Variants in GTF2H5 observed in about 807,000 individuals in gnomAD.
GTF2H5 encodes TFB5 ortholog.
In GTF2H5, 5 loss-of-function variants were observed where a neutral mutation model predicts 7.1. The observed-to-expected ratio is 0.71, with a 90% CI of 0.37 to 1.49. The LOEUF (loss-of-function observed/expected upper bound fraction) is 1.49, where lower values mean the gene tolerates loss of function less well. Among genes scored for constraint, GTF2H5 ranks in the 40% most tolerant of loss-of-function variants. GTF2H5 has a pLI of 0.03. For synonymous variants in GTF2H5, 30 were observed against 31.7 expected, an observed-to-expected ratio of 0.95 and a Z score of 0.18; for missense variants, 80 against 83.0, an observed-to-expected ratio of 0.96 and a Z score of 0.14.
intron 2 of GTF2H5, among the ~76,000 whole-genome samples, chr6:158,170,995 A>C (rs968401835): frequency 6.6e-6 from 1 of 152,236 alleles, no homozygotes; most frequent in Non-Finnish European, 1.5e-5. Flanking sequence ...TCCAGTGTCC[A>C]GGAACCCCGG....
chr6:158,171,841 C>A (rs904371632), intron 2 of GTF2H5, among the ~76,000 whole-genome samples: 3 of 152,078 alleles, frequency 2.0e-5, no homozygotes, highest in Admixed American at 6.6e-5. Context: ...TAAACCACTG[C>A]GGGGGAGAGG....
At position 158,194,127 on chromosome 6, in the gene GTF2H5, A is replaced by T. The variant is rs1463343657; in HGVS notation, c.*1970A>T. 2 of 152,196 alleles carry T rather than the reference A, an allele frequency of 1.3e-5. No individual in the cohort carries two copies. Among genetic ancestry groups the T allele is most frequent in the Non-Finnish European group, 2.9e-5 (2 of 68,044 alleles). The allele number at this position is 152,196 out of a possible 1,614,324, so 9.4% of individuals were successfully genotyped here. ...AACCTTTTATATTAACATGAAACTT[A>T]GAAAATTTTTGATAGAATCCCAGAG... On this transcript the variant is annotated 3_prime_UTR_variant, in exon 3 of 3. Transcript: ENST00000607778.
At chr6:158,180,895 T>C (rs1183186474) in intron 2 of GTF2H5, among the ~76,000 whole-genome samples, 1 of 151,782 alleles carries the variant, frequency 6.6e-6, no homozygotes, top group Non-Finnish European at 1.5e-5. Flanking sequence ...TGATCTTAGT[T>C]ATTTCTTGTC....
At chr6:158,190,095 G>T (rs1329979225) in intron 2 of GTF2H5, among the ~76,000 whole-genome samples, 1 of 151,250 alleles carries the variant, frequency 6.6e-6, no homozygotes. Flanking sequence ...TAGAGTCAGG[G>T]TCTCACTGTG....
Position 158,195,081 on chromosome 6 carries a change from T to C in GTF2H5, c.*2924T>C, listed in dbSNP as rs1777087577. On this transcript the variant is annotated 3_prime_UTR_variant, in exon 3 of 3. Transcript: ENST00000607778. Reference sequence around the variant, plus strand: ...TGGAATCTGACTAGCATTATTTGATTTGGCATACTTTACATGTCCAGAACA... The same window carrying C: ...TGGAATCTGACTAGCATTATTTGATCTGGCATACTTTACATGTCCAGAACA... The C allele has an allele frequency of 6.6e-6, 1 of 152,086 alleles. No individual in the cohort carries two copies. The highest frequency in any genetic ancestry group is 1.5e-5 in the Non-Finnish European group (1 of 68,042). The allele number at this position is 152,086 out of a possible 1,614,324, so 9.4% of individuals were successfully genotyped here. A position where few individuals can be genotyped will look rare whatever the true frequency, so the allele number is the denominator to read the frequency against.
At chr6:158,189,903 C>A (rs746923445) in intron 2 of GTF2H5, among the ~76,000 whole-genome samples, 7 of 152,080 alleles carry the variant, frequency 4.6e-5, no homozygotes, top group Non-Finnish European at 2.9e-5. Flanking sequence ...CTTGCTATAC[C>A]CTATAAGCCT....
Position 158,194,097 on chromosome 6 carries a change from T to C in GTF2H5, c.*1940T>C, listed in dbSNP as rs1179673958. 6.6e-6 allele frequency: 1 copy of C among 152,180 alleles called. No individual in the cohort carries two copies. The highest frequency in any genetic ancestry group is 1.5e-5 in the Non-Finnish European group (1 of 68,038). 9.4% of individuals were successfully genotyped at this position (152,180 alleles called of 1,614,324 possible). A position where few individuals can be genotyped will look rare whatever the true frequency, so the allele number is the denominator to read the frequency against. On this transcript the variant is annotated 3_prime_UTR_variant, in exon 3 of 3. Transcript: ENST00000607778. ...ACTTTTAGTATGCCTCAGGCATTTG[T>C]CACCAACCTTTTATATTAACATGAA...
At chr6:158,171,530 G>C (rs1438823773) in intron 2 of GTF2H5, among the ~76,000 whole-genome samples, 1 of 152,190 alleles carries the variant, frequency 6.6e-6, no homozygotes, top group Non-Finnish European at 1.5e-5. Context: ...AGCCAAAGGA[G>C]GAAGTGTTTT....
At chr6:158,182,266 C>T (rs1389741252) in intron 2 of GTF2H5, among the ~76,000 whole-genome samples, 1 of 152,240 alleles carries the variant, frequency 6.6e-6, no homozygotes, top group Non-Finnish European at 1.5e-5. Context: ...ATGGGCTTCC[C>T]TTTGTGAGTA....
chr6:158,175,044 G>GTGTGTGTGTGTGTATA, intron 2 of GTF2H5, among the ~76,000 whole-genome samples: 1 of 142,794 alleles, frequency 7.0e-6, no homozygotes. Flanking sequence ...GTGTGTGTGT[G>GTGTGTGTGTGTGTATA]TATACACACA....
At chr6:158,168,476 G>GA (rs1037930409) in intron 1 of GTF2H5, 81 bp downstream of exon 1, 2 of 152,454 alleles carry the variant, frequency 1.3e-5, no homozygotes, top group Non-Finnish European at 2.9e-5. Flanking sequence ...GAGAGGAAGA[G>GA]AAAAGCCCCA....
intron 2 of GTF2H5, among the ~76,000 whole-genome samples, chr6:158,180,267 G>A (rs555566902): frequency 5.9e-5 from 9 of 152,208 alleles, no homozygotes; most frequent in South Asian, 2.1e-4. Context: ...TGCTGGATTC[G>A]GTTTGCCCGT....
chr6:158,189,294 A>G (rs1035408798), intron 2 of GTF2H5, among the ~76,000 whole-genome samples: 8 of 152,122 alleles, frequency 5.3e-5, no homozygotes, highest in Non-Finnish European at 1.2e-4. Flanking sequence ...AGAGTGGACT[A>G]CCCACCAACC....
At position 158,192,248 on chromosome 6, in the gene GTF2H5, G is replaced by A. The variant is rs1038513506; in HGVS notation, c.*91G>A. 8.1e-6 allele frequency: 8 copies of A among 981,848 alleles called. No individual in the cohort carries two copies. In the African/African-American group the frequency reaches 9.6e-5, roughly 12 times the overall value. 60.8% of individuals were successfully genotyped at this position (981,848 alleles called of 1,614,324 possible). A position where few individuals can be genotyped will look rare whatever the true frequency, so the allele number is the denominator to read the frequency against. The stretch of plus-strand genomic sequence containing the variant: ...CTTAGGTGACTGATTAGACATAGAG[G>A]GTTGTTTTAGGAGCATGCCACGGGA... On this transcript the variant is annotated 3_prime_UTR_variant, in exon 3 of 3. Transcript: ENST00000607778.
chr6:158,187,560 ATC>A (rs1235071854), intron 2 of GTF2H5, among the ~76,000 whole-genome samples: 3 of 151,836 alleles, frequency 2.0e-5, no homozygotes, highest in Non-Finnish European at 4.4e-5. Flanking sequence ...GGGTCTTAAG[ATC>A]TCTGTTTTTT....
chr6:158,182,546 G>T (rs1319348733), intron 2 of GTF2H5, among the ~76,000 whole-genome samples: 3 of 151,942 alleles, frequency 2.0e-5, no homozygotes, highest in Non-Finnish European at 4.4e-5. Flanking sequence ...TCACATAGTC[G>T]CATATTTCTT....
rs1166821281 is a variant in GTF2H5 at position 158,198,438 on chromosome 6, T to A, written c.*6281T>A. The stretch of plus-strand genomic sequence containing the variant: ...TGAGTCCAGTTTGGACTTTATTTTA[T>A]TTTATTTTTTTTGAAACAAGATCTC... On this transcript the variant is annotated 3_prime_UTR_variant, in exon 3 of 3. Transcript: ENST00000607778. The A allele has an allele frequency of 1.3e-5, 2 of 152,244 alleles. No individual in the cohort carries two copies. Among genetic ancestry groups the A allele is most frequent in the African/African-American group, 4.8e-5 (2 of 41,470 alleles). The allele number at this position is 152,244 out of a possible 1,614,324, so 9.4% of individuals were successfully genotyped here.
Position 158,197,526 on chromosome 6 carries a change from C to G in GTF2H5, c.*5369C>G, listed in dbSNP as rs1270878443. On this transcript the variant is annotated 3_prime_UTR_variant, in exon 3 of 3. Coordinates refer to ENST00000607778, the MANE Select transcript of GTF2H5 (RefSeq NM_207118.3). Reference sequence around the variant, plus strand: ...GGAAGTGGCCCAGTCACAGCAAGAGCAGATTGATCAAGAGCAAAGGTCATG... The same window carrying G: ...GGAAGTGGCCCAGTCACAGCAAGAGGAGATTGATCAAGAGCAAAGGTCATG... The G allele has an allele frequency of 6.6e-6, 1 of 152,088 alleles. No homozygotes were observed. The highest frequency in any genetic ancestry group is 1.5e-5 in the Non-Finnish European group (1 of 68,028). The allele number at this position is 152,088 out of a possible 1,614,324, so 9.4% of individuals were successfully genotyped here. A position where few individuals can be genotyped will look rare whatever the true frequency, so the allele number is the denominator to read the frequency against.
chr6:158,178,984 A>G (rs1562472824), intron 2 of GTF2H5, among the ~76,000 whole-genome samples: 1 of 152,090 alleles, frequency 6.6e-6, no homozygotes, highest in Admixed American at 6.6e-5. Context: ...CCTAGGTGTT[A>G]TGTTTAAGTC....
Sources: gnomAD v4.1 joint callset for allele counts (sites outside exome capture counted in the v4.1 genomes callset) on GRCh38, gnomAD v4.1.1 for gene constraint, MANE v1.5 for transcripts, NCBI Gene and HGNC (gene_info 2026-07-23, HGNC 2026-07-21) for gene names.